Variants in ERICH1 observed in about 807,000 individuals in gnomAD.
The protein encoded by ERICH1 is glutamate-rich protein 1.
A neutral mutation model predicts 39.6 loss-of-function variants in ERICH1; 56 were observed. The ratio of observed to expected loss-of-function variants is 1.41; its 90% CI spans 1.14 to 1.77. The LOEUF (loss-of-function observed/expected upper bound fraction) is 1.77, where lower values mean the gene tolerates loss of function less well. Among genes scored for constraint, ERICH1 ranks in the 40% most tolerant of loss-of-function variants. ERICH1 has a pLI of 0.00. For synonymous variants in ERICH1, 313 were observed against 223.6 expected (o/e 1.40, Z -3.57); for missense variants, 826 against 575.4 (o/e 1.44, Z -4.45).
In ERICH1 at chr8:709,924, T is replaced by C. The variant is rs1161184382; in HGVS notation, c.169+5937A>G. On this transcript the variant is annotated intron_variant, in intron 2 of 5. Coordinates refer to ENST00000262109, the MANE Select transcript of ERICH1 (RefSeq NM_207332.3). ...AAACAATCACCGTTAAAACTTTAGG[T>C]AGGTTAGAACAAAGAAAAAGTAAAT... Among the ~76,000 whole-genome samples, 5 of 152,236 alleles carry C rather than the reference T, an allele frequency of 3.3e-5. No homozygotes were observed. In the East Asian group the frequency reaches 9.6e-4, roughly 29 times the overall value.
chr8:727,940 A>AG (rs1819162077), intron 1 of ERICH1, among the ~76,000 whole-genome samples: 1 of 152,140 alleles, frequency 6.6e-6, no homozygotes, highest in Non-Finnish European at 1.5e-5. Flanking sequence ...CACCACACAC[A>AG]CAGCAGCAGG....
chr8:702,767 C>T (rs1439439329), intron 2 of ERICH1, among the ~76,000 whole-genome samples: 4 of 152,182 alleles, frequency 2.6e-5, no homozygotes, highest in Non-Finnish European at 5.9e-5. Context: ...CCAAAGTGGA[C>T]CCTTTCGGCC....
intron 3 of ERICH1, among the ~76,000 whole-genome samples, chr8:619,817 G>C (rs1393586605): frequency 6.6e-6 from 1 of 152,148 alleles, no homozygotes; most frequent in Non-Finnish European, 1.5e-5. Flanking sequence ...GTATGTTTCT[G>C]TATTTCACTG....
At chr8:635,670 G>C (rs1798380107) in intron 3 of ERICH1, among the ~76,000 whole-genome samples, 1 of 152,214 alleles carries the variant, frequency 6.6e-6, no homozygotes, top group Non-Finnish European at 1.5e-5. Flanking sequence ...ACGCTCACCT[G>C]TCATGACTGG....
In ERICH1 at chr8:692,503, G is replaced by A. The variant is rs375079153; in HGVS notation, c.279C>T (p.Asn93=). 6.1e-5 allele frequency: 99 copies of A among 1,614,004 alleles called. No homozygotes were observed. The highest frequency in any genetic ancestry group is 2.4e-4 in the South Asian group (22 of 91,080). The part of the protein sequence containing the change: ...PEPSSCGSPE[N]ASSGDDTEDQ... ...CTTCTGTGTCATCCCCGCTGGAGGC[G>A]TTCTCGGGGCTCCCACAGCTGCTGG... The change falls in exon 3 of 6, where the codon AAC becomes AAT. Residue 93 remains asparagine (N), a synonymous_variant. Transcript: ENST00000262109.
intron 3 of ERICH1, among the ~76,000 whole-genome samples, chr8:636,642 C>T (rs1798462610): frequency 6.6e-6 from 1 of 152,252 alleles, no homozygotes; most frequent in Non-Finnish European, 1.5e-5. Context: ...GCAGACAGGA[C>T]ACCTACAACA....
At chr8:618,226 C>A (rs1226116277) in intron 3 of ERICH1, among the ~76,000 whole-genome samples, 1 of 151,574 alleles carries the variant, frequency 6.6e-6, no homozygotes, top group Admixed American at 6.6e-5. Context: ...CATCTCACTG[C>A]CCTCTGAGTG....
intron 2 of ERICH1, among the ~76,000 whole-genome samples, chr8:704,846 C>T (rs539444693): frequency 6.6e-6 from 1 of 152,130 alleles, no homozygotes; most frequent in Non-Finnish European, 1.5e-5. Flanking sequence ...GGAGCAGCCA[C>T]TGCAGAGCTG....
At chr8:696,936 T>C (rs1282629736) in intron 2 of ERICH1, among the ~76,000 whole-genome samples, 1 of 145,342 alleles carries the variant, frequency 6.9e-6, no homozygotes, top group Non-Finnish European at 1.5e-5. Context: ...CTCGCTTCTC[T>C]CACCCTCCAC....
intron 3 of ERICH1, among the ~76,000 whole-genome samples, chr8:690,198 G>T (rs1808590602): frequency 6.6e-6 from 1 of 152,156 alleles, no homozygotes; most frequent in African/African-American, 2.4e-5. Flanking sequence ...ACTTCCCACA[G>T]CCCGTCTCCT....
rs532799797 is a variant in ERICH1, at chr8:685,862, T to C, written c.304+6616A>G. Among the ~76,000 whole-genome samples the C allele has an allele frequency of 6.6e-5, 10 of 152,178 alleles. 1 individual carries two copies. The South Asian group carries it at 2.1e-3, about 32-fold the overall frequency. On this transcript the variant is annotated intron_variant, in intron 3 of 5. Coordinates refer to ENST00000262109, the MANE Select transcript of ERICH1 (RefSeq NM_207332.3). ...ATTCATGTATTATTTTTTCAATAAC[T>C]GACTGGGCACAGTGGCTCAGGCCTG...
intron 3 of ERICH1, among the ~76,000 whole-genome samples, chr8:679,236 C>T (rs1012666720): frequency 2.4e-4 from 33 of 139,818 alleles, no homozygotes; most frequent in African/African-American, 8.4e-4. Context: ...TCCCAACTCA[C>T]AGCTTCAGCT....
chr8:729,272 C>A (rs1385201336), intron 1 of ERICH1, among the ~76,000 whole-genome samples: 1 of 152,206 alleles, frequency 6.6e-6, no homozygotes, highest in Admixed American at 6.5e-5. Context: ...TGGCACCTGC[C>A]TCCTCTCCCA....
chr8:630,167 G>C (rs1584958645), intron 3 of ERICH1, among the ~76,000 whole-genome samples: 2 of 122,034 alleles, frequency 1.6e-5, no homozygotes, highest in East Asian at 3.0e-4. Context: ...CACCCACACA[G>C]ACAGAGCTGA....
intron 3 of ERICH1, among the ~76,000 whole-genome samples, chr8:641,564 G>A (rs529583182): frequency 6.6e-6 from 1 of 152,310 alleles, no homozygotes; most frequent in South Asian, 2.1e-4. Context: ...CACATCGAAA[G>A]ACCTTTTCAC....
downstream of ERICH1, among the ~76,000 whole-genome samples, chr8:660,586 T>C (rs1309682851): frequency 2.0e-5 from 3 of 152,228 alleles, no homozygotes; most frequent in East Asian, 1.9e-4. Context: ...CCAAAGACAC[T>C]GCGAGGCGGC....
At chr8:629,358 A>C (rs894297188) in intron 3 of ERICH1, among the ~76,000 whole-genome samples, 2 of 150,368 alleles carry the variant, frequency 1.3e-5, no homozygotes, top group Admixed American at 6.6e-5. Context: ...GACCACCCAC[A>C]CACACAGAGC....
intron 1 of ERICH1, among the ~76,000 whole-genome samples, chr8:716,317 C>T (rs1187348753): frequency 6.6e-6 from 1 of 152,250 alleles, no homozygotes; most frequent in Non-Finnish European, 1.5e-5. Flanking sequence ...CTGCAGGTCC[C>T]TCGGTTCCTC....
chr8:629,906 G>A lies in ERICH1; in HGVS notation c.977-14622C>T, dbSNP rs1272902055. Among the ~76,000 whole-genome samples, 104 of 116,278 alleles carry A rather than the reference G, an allele frequency of 8.9e-4. 3 individuals carry two copies. The highest frequency in any genetic ancestry group is 3.4e-3 in the African/African-American group (93 of 27,640). The allele number at this position is 116,278 out of a possible 152,430, so 76.3% of individuals were successfully genotyped here. On this transcript the variant is annotated intron_variant, in intron 3 of 3. Transcript: ENST00000522706. The stretch of plus-strand genomic sequence containing the variant: ...CCTCCTGTGAGCACCCACACAGACA[G>A]AGCTGACTCACACCCTCCCGTGACC...
Sources: allele counts gnomAD v4.1 joint callset (sites outside exome capture counted in the v4.1 genomes callset), GRCh38; gene constraint gnomAD v4.1.1; transcripts MANE v1.5; gene names NCBI Gene and HGNC (gene_info 2026-07-23, HGNC 2026-07-21).